The following DNAH17 variants were observed in gnomAD, a reference collection of about 807,000 sequenced individuals.
DNAH17 encodes the protein axonemal beta dynein heavy chain 17.
A neutral mutation model predicts 485.6 loss-of-function variants in DNAH17; 376 were observed. The ratio of observed to expected loss-of-function variants is 0.77; its 90% CI spans 0.71 to 0.84. The LOEUF (loss-of-function observed/expected upper bound fraction) is 0.84, where lower values mean the gene tolerates loss of function less well. DNAH17 is among the 40% of genes least tolerant of loss of function. The pLI, the probability that DNAH17 is intolerant of heterozygous loss-of-function variation, is 0.00. For missense variants in DNAH17, 6,370 were observed against 5,839.3 expected (o/e 1.09, Z -2.96); for synonymous variants, 3,031 against 2,405.9 (o/e 1.26, Z -7.60).
In DNAH17 at chr17:78,474,776, G is replaced by A. The variant is rs115257982; in HGVS notation, c.8511+502C>T. Among the ~76,000 whole-genome samples, 352 of 151,660 alleles carry A rather than the reference G, an allele frequency of 2.3e-3. 2 individuals carry two copies. The highest frequency in any genetic ancestry group is 8.2e-3 in the African/African-American group (337 of 41,264). On this transcript the variant is annotated intron_variant, in intron 54 of 80. Transcript: ENST00000389840. ...ACCCTTTACCTCAGTCACGCGGGCT[G>A]GAGGGTTTCACACTCTTCACCTCAG... is the stretch of plus-strand genomic sequence containing the variant.
At chr17:78,501,122 C>T (rs1252762371) in intron 35 of DNAH17, 62 bp downstream of exon 35, 1 of 1,501,818 alleles carries the variant, frequency 6.7e-7, no homozygotes, top group Non-Finnish European at 9.0e-7. Context: ...CGGACAGTTC[C>T]AAGAATCATG....
At chr17:78,551,101 G>A (rs1057408261) in intron 16 of DNAH17, among the ~76,000 whole-genome samples, 8 of 152,156 alleles carry the variant, frequency 5.3e-5, no homozygotes, top group Non-Finnish European at 8.8e-5. Flanking sequence ...ATATATTGCT[G>A]CAAGTGTTTT....
At position 78,500,328 on chromosome 17, in the gene DNAH17, A is replaced by G. The variant is rs752772496; in HGVS notation, c.5617T>C (p.Cys1873Arg). The change falls in exon 36 of 81, where the codon TGC becomes CGC. Residue 1873 changes from cysteine to arginine, a missense_variant. Physicochemically the swap from Cys to Arg is radical, Grantham distance 180. Transcript: ENST00000389840. The part of the protein sequence containing the change: ...ALGTMVYVFN[C>R]SEQMDYKSCG... ...ACCTTGTAGTCCATCTGCTCGGAGC[A>G]GTTGAAGACGTAGACCATGGTGCCC... is the stretch of plus-strand genomic sequence containing the variant. The G allele has an allele frequency of 4.3e-6, 7 of 1,612,376 alleles. No individual in the cohort carries two copies. Among genetic ancestry groups the G allele is most frequent in the Non-Finnish European group, 5.1e-6 (6 of 1,179,306 alleles).
At chr17:78,552,276 G>GA (rs937443013) in intron 15 of DNAH17, among the ~76,000 whole-genome samples, 2 of 152,188 alleles carry the variant, frequency 1.3e-5, no homozygotes, top group African/African-American at 4.8e-5. Flanking sequence ...TCCAGTGGTG[G>GA]AATGAAGGGA....
intron 27 of DNAH17, 77 bp downstream of exon 27, chr17:78,510,307 G>A: frequency 1.9e-6 from 3 of 1,583,798 alleles, no homozygotes; most frequent in African/African-American, 1.3e-5. Context: ...GGACCCCTCT[G>A]GGCGCTCTCA....
At chr17:78,530,221 A>C in intron 21 of DNAH17, 122 bp downstream of exon 21, 1 of 1,244,990 alleles carries the variant, frequency 8.0e-7, no homozygotes, top group Non-Finnish European at 1.1e-6. Context: ...CTTGAAGCCC[A>C]GCCTCCACCC....
At position 78,529,660 on chromosome 17, in the gene DNAH17, T is replaced by C. The variant is rs569767531; in HGVS notation, c.3319A>G (p.Arg1107Gly). 9 of 1,613,974 alleles carry C rather than the reference T, an allele frequency of 5.6e-6. No homozygotes were observed. Among genetic ancestry groups the C allele is most frequent in the Middle Eastern group, 1.6e-4 (1 of 6,062 alleles). The stretch of plus-strand genomic sequence containing the variant: ...TTGAGGGGCTTGGTCAAGCCCATTC[T>C]GGCGACTTTCATGAAGGCTTCCAGG... ...ADLEAFMKVA[R>G]MGLTKPLKEG... Residue 1107 changes from arginine to glycine, a missense_variant, in exon 22 of 81, where the codon AGA (arginine) becomes GGA (glycine). By Grantham distance (125) the Arg-to-Gly change is moderately radical (BLOSUM62 -2). Transcript: ENST00000389840.
chr17:78,491,106 C>T (rs562453334), intron 43 of DNAH17, among the ~76,000 whole-genome samples: 1 of 152,346 alleles, frequency 6.6e-6, no homozygotes, highest in African/African-American at 2.4e-5. Context: ...CACCCCTCCC[C>T]ATCCTGGAAA....
chr17:78,524,503 C>T (rs967704477), intron 25 of DNAH17, among the ~76,000 whole-genome samples: 7 of 152,086 alleles, frequency 4.6e-5, no homozygotes, highest in Non-Finnish European at 8.8e-5. Context: ...CCACTTCCAC[C>T]ACATGAGGAT....
rs147721315 is a variant in DNAH17 at position 78,448,725 on chromosome 17, G to A, written c.11211+689C>T. ...GTTGGGCCGTGACAGCAGAGTGAAT[G>A]GCTTAATGTCATGATCAAGGGAGTG... On this transcript the variant is annotated intron_variant, in intron 69 of 80. Transcript: ENST00000389840. Among the ~76,000 whole-genome samples the A allele has an allele frequency of 4.9e-3, 740 of 152,294 alleles. 11 individuals are homozygous for A. In the East Asian group the frequency reaches 0.052, roughly 11 times the overall value.
At position 78,441,188 on chromosome 17, in the gene DNAH17, T is replaced by A. The variant is rs532252813; in HGVS notation, c.11540A>T (p.Glu3847Val). The A allele has an allele frequency of 1.2e-6, 2 of 1,613,774 alleles. No homozygotes were observed. Among genetic ancestry groups the A allele is most frequent in the African/African-American group, 1.3e-5 (1 of 75,048 alleles). The change falls in exon 72 of 81, where the codon GAG becomes GTG. Residue 3847 changes from glutamate to valine, a missense_variant. Transcript: ENST00000389840. ...RMTYAIKNFVEEKMGSKFVEG... is the reference protein window; with the variant it reads ...RMTYAIKNFVVEKMGSKFVEG... ...CACGAACTTGCTGCCCATCTTTTCC[T>A]CCACGAAGTTCCTAGGGGTGGAGTG...
chr17:78,495,034 G>A lies in DNAH17; in HGVS notation c.5967C>T (p.Gly1989=). ...TGGCCAGAAGGCGGGCTTCCAGAAA[G>A]CCCTCGGCCATGAGCATGATCTCAC... The part of the protein sequence containing the change: ...LICEIMLMAE[G]FLEARLLARK... The change falls in exon 39 of 81, where the codon GGC becomes GGT. Residue 1989 remains glycine (G), a synonymous_variant. Coordinates refer to ENST00000389840, the MANE Select transcript of DNAH17 (RefSeq NM_173628.4). 6.2e-7 allele frequency: 1 copy of A among 1,612,148 alleles called. No individual in the cohort carries two copies. The highest frequency in any genetic ancestry group is 1.3e-5 in the African/African-American group (1 of 75,026).
rs370633838 is a variant in DNAH17 at position 78,499,078 on chromosome 17, G to A, written c.5675C>T (p.Thr1892Met). The change falls in exon 37 of 81, where the codon ACG (threonine) becomes ATG (methionine). Residue 1892 changes from threonine to methionine, a missense_variant. By Grantham distance (81) the Thr-to-Met change is moderately conservative. Transcript: ENST00000389840. Reference sequence around the variant, plus strand: ...CTCGTCAAAGCAGCCCCAGGCTCCCGTCTGGGCCAGGCCCTTGTAGATATT... The same window carrying A: ...CTCGTCAAAGCAGCCCCAGGCTCCCATCTGGGCCAGGCCCTTGTAGATATT... ...CGNIYKGLAQ[T>M]GAWGCFDEFN... The A allele has an allele frequency of 8.1e-6, 13 of 1,607,842 alleles. No homozygotes were observed. The highest frequency in any genetic ancestry group is 5.4e-5 in the African/African-American group (4 of 74,604).
In DNAH17 at chr17:78,476,556, G is replaced by A. The variant is rs531281698; in HGVS notation, c.8154+16C>T. On this transcript the variant is annotated intron_variant, in intron 52 of 80. Coordinates refer to ENST00000389840, the MANE Select transcript of DNAH17 (RefSeq NM_173628.4). ...CCATTCTGGGCTCGGCAGAGGGACTGGGCAGCTTGACTTACATCAAAGAAC... is the reference window on the plus strand; with the variant it reads ...CCATTCTGGGCTCGGCAGAGGGACTAGGCAGCTTGACTTACATCAAAGAAC... The A allele has an allele frequency of 1.9e-6, 3 of 1,603,460 alleles. No individual in the cohort carries two copies. The highest frequency in any genetic ancestry group is 2.2e-5 in the East Asian group (1 of 44,608).
chr17:78,468,898 G>T lies in DNAH17; in HGVS notation c.8512-15C>A. 6.2e-7 allele frequency: 1 copy of T among 1,608,496 alleles called. No individual in the cohort carries two copies. Among genetic ancestry groups the T allele is most frequent in the Middle Eastern group, 1.7e-4 (1 of 6,050 alleles). On this transcript the variant is annotated splice_polypyrimidine_tract_variant and intron_variant, in intron 54 of 80. Coordinates refer to ENST00000389840, the MANE Select transcript of DNAH17 (RefSeq NM_173628.4). ...GCGAGGTCAATCTGGACGGAGTGAG[G>T]ACACGCTTAGGGGCCTTGGTAAAAA...
chr17:78,512,737 T>C (rs1255098009), intron 26 of DNAH17, among the ~76,000 whole-genome samples: 1 of 150,972 alleles, frequency 6.6e-6, no homozygotes, highest in Non-Finnish European at 1.5e-5. Context: ...AGGTCAGGAG[T>C]TTGAGACCAG....
intron 54 of DNAH17, 126 bp downstream of exon 54, chr17:78,475,152 A>G (rs2088956532): frequency 9.1e-7 from 1 of 1,101,382 alleles, no homozygotes; most frequent in Non-Finnish European, 1.3e-6. Flanking sequence ...GACCCTTTGG[A>G]TAAGGACTAT....
chr17:78,497,585 G>T (rs375064733), intron 37 of DNAH17, among the ~76,000 whole-genome samples: 4 of 152,236 alleles, frequency 2.6e-5, no homozygotes, highest in African/African-American at 9.6e-5. Flanking sequence ...TGTGCTGGGG[G>T]CAAGGGAGAG....
chr17:78,509,763 CG>C (rs1375379880), intron 27 of DNAH17, among the ~76,000 whole-genome samples: 1 of 152,022 alleles, frequency 6.6e-6, no homozygotes, highest in Non-Finnish European at 1.5e-5. Flanking sequence ...AGGAGTCAGA[CG>C]GGACCACAGA....
Sources: allele counts gnomAD v4.1 joint callset (sites outside exome capture counted in the v4.1 genomes callset), GRCh38; gene constraint gnomAD v4.1.1; transcripts MANE v1.5; gene names NCBI Gene and HGNC (gene_info 2026-07-23, HGNC 2026-07-21).